USP7: variants seen among roughly 807,000 people sequenced by gnomAD.
USP7 encodes the protein ubiquitin specific peptidase 7.
Under a neutral mutation model 162.9 loss-of-function variants are expected in USP7, and 9 were observed. The ratio of observed to expected loss-of-function variants is 0.06; its 90% CI spans 0.03 to 0.10. The LOEUF (loss-of-function observed/expected upper bound fraction) is 0.10, where lower values mean the gene tolerates loss of function less well. USP7 is among the 10% of genes least tolerant of loss of function. The probability of loss-of-function intolerance (pLI) is 1.00; values close to 1 mark genes in which losing one functional copy is unlikely to be tolerated. For synonymous variants in USP7, 562 were observed against 475.9 expected (o/e 1.18, Z -2.35); for missense variants, 715 against 1,373.7 (o/e 0.52, Z 7.58).
At chr16:8,957,197 G>C (rs1281796141) in intron 1 of USP7, among the ~76,000 whole-genome samples, 1 of 152,246 alleles carries the variant, frequency 6.6e-6, no homozygotes, top group East Asian at 1.9e-4. Flanking sequence ...GCTGAGGCAT[G>C]TGTTAACTTA....
At position 8,910,930 on chromosome 16, in the gene USP7, A is replaced by G. The variant is rs531410412; in HGVS notation, c.1079-103T>C. ...ATCAGCATATTTAGGATTAGCAGAG[A>G]AGGTAAACAACACTAACAGTAACTC... On this transcript the variant is annotated intron_variant, in intron 10 of 30. Transcript: ENST00000344836. The G allele has an allele frequency of 8.1e-4, 781 of 961,652 alleles. 1 individual carries two copies. Among genetic ancestry groups the G allele is most frequent in the Middle Eastern group, 1.9e-3 (9 of 4,808 alleles). 59.6% of individuals were successfully genotyped at this position (961,652 alleles called of 1,614,324 possible). A position where few individuals can be genotyped will look rare whatever the true frequency, so the allele number is the denominator to read the frequency against.
intron 1 of USP7, among the ~76,000 whole-genome samples, chr16:8,959,348 C>T (rs917680882): frequency 3.4e-5 from 4 of 116,634 alleles, no homozygotes; most frequent in African/African-American, 1.1e-4. Flanking sequence ...TTTTCCAAAA[C>T]ACTAATTCAA....
intron 1 of USP7, among the ~76,000 whole-genome samples, chr16:8,956,776 CA>C (rs375578803): frequency 5.3e-4 from 78 of 147,726 alleles, no homozygotes; most frequent in African/African-American, 1.7e-3. Context: ...AAAACAAAAA[CA>C]AAAAAAAAAA....
intron 1 of USP7, among the ~76,000 whole-genome samples, chr16:8,939,225 G>C (rs1189329248): frequency 1.3e-5 from 2 of 152,160 alleles, no homozygotes; most frequent in Non-Finnish European, 2.9e-5. Context: ...AACACCACAA[G>C]GATCCCTCCA....
intron 1 of USP7, among the ~76,000 whole-genome samples, chr16:8,938,263 T>G (rs1190886331): frequency 6.6e-6 from 1 of 151,940 alleles, no homozygotes; most frequent in African/African-American, 2.4e-5. Flanking sequence ...TATACTATAC[T>G]GACTTGATTA....
rs1400844880 is a variant in USP7 at position 8,915,227 on chromosome 16, A to C, written c.1078+27T>G. 4 of 1,536,400 alleles carry C rather than the reference A, an allele frequency of 2.6e-6. No individual in the cohort carries two copies. The East Asian group carries it at 9.0e-5, about 35-fold the overall frequency. ...ACACAGTAGAAATCATCAAAAGATC[A>C]TGCCATTAGATACACACAACACTTA... On this transcript the variant is annotated intron_variant, in intron 10 of 30. Coordinates refer to ENST00000344836, the MANE Select transcript of USP7 (RefSeq NM_003470.3).
intron 6 of USP7, 50 bp downstream of exon 6, chr16:8,918,981 A>T: frequency 6.3e-7 from 1 of 1,590,268 alleles, no homozygotes; most frequent in Non-Finnish European, 8.6e-7. Flanking sequence ...GATATACCTG[A>T]GAAGAAAGGG....
At chr16:8,931,932 C>A (rs188924626) in intron 1 of USP7, among the ~76,000 whole-genome samples, 1 of 152,348 alleles carries the variant, frequency 6.6e-6, no homozygotes, top group Non-Finnish European at 1.5e-5. Flanking sequence ...AGAATCTCAA[C>A]TGCATACAGG....
chr16:8,906,618 A>G (rs780918666), intron 12 of USP7, 36 bp from the exon 13 acceptor site: 3 of 1,588,906 alleles, frequency 1.9e-6, no homozygotes, highest in African/African-American at 1.3e-5. Context: ...TTCAGTATTA[A>G]TTTACACAAA....
In USP7 at chr16:8,906,526, T is replaced by G; in HGVS notation, c.1328A>C (p.Lys443Thr). ...LDEFLQKTDP[K>T]DPANYILHAV... is the part of the protein sequence containing the mutation. ...ATGAAGAATATAATTTGCAGGGTCC[T>G]TAGGATCTGTTTTTTGCAAAAATTC... Residue 443 changes from lysine (K) to threonine (T), a missense_variant, in exon 13 of 31, where the codon AAG becomes ACG. By Grantham distance (78) the Lys-to-Thr change is moderately conservative. Transcript: ENST00000344836. 7 of 1,613,738 alleles carry G rather than the reference T, an allele frequency of 4.3e-6. No individual in the cohort carries two copies. The highest frequency in any genetic ancestry group is 5.9e-6 in the Non-Finnish European group (7 of 1,180,030).
At chr16:8,923,160 T>C (rs1897796192) in intron 3 of USP7, 55 bp downstream of exon 3, 4 of 41,592 alleles carry the variant, frequency 9.6e-5, no homozygotes, top group Admixed American at 5.6e-4. Flanking sequence ...TAACTTAAGA[T>C]AAAATTGCAC....
intron 1 of USP7, among the ~76,000 whole-genome samples, chr16:8,948,436 C>A (rs906908304): frequency 2.0e-4 from 30 of 152,306 alleles, no homozygotes; most frequent in African/African-American, 6.5e-4. Context: ...CCACCGGCCT[C>A]GGCCTCCCAA....
At chr16:8,900,093 A>T (rs911722618) in intron 21 of USP7, 1 of 408,568 alleles carries the variant, frequency 2.4e-6, no homozygotes, top group Non-Finnish European at 4.4e-6. Flanking sequence ...GGTGGAGCCC[A>T]GTCTCTGACC....
At chr16:8,904,708 TG>T in intron 14 of USP7, 143 bp from the exon 15 acceptor site, 2 of 1,252,792 alleles carry the variant, frequency 1.6e-6, no homozygotes, top group Non-Finnish European at 2.1e-6. Flanking sequence ...TTTGGGAGGC[TG>T]AGGCGGGCCG....
chr16:8,915,061 TGTGGGAGTGCTGGCC>T (rs2062007982), intron 10 of USP7, among the ~76,000 whole-genome samples, 178 bp downstream of exon 10: 1 of 152,190 alleles, frequency 6.6e-6, no homozygotes, highest in Non-Finnish European at 1.5e-5. Flanking sequence ...TGGGAAGGGC[TGTGGGAGTGCTGGCC>T]AACACCAGAG....
chr16:8,953,205 G>T lies in USP7; in HGVS notation c.79+10002C>A, dbSNP rs190113093. On this transcript the variant is annotated intron_variant, in intron 1 of 30. Transcript: ENST00000344836. ...CTCACCTGAGGCTCCCCCTCCCCGC[G>T]GTAAGCCAGTCCTGTCTCTCCTATG... is the stretch of plus-strand genomic sequence containing the variant. Among the ~76,000 whole-genome samples, 4 of 152,082 alleles carry T rather than the reference G, an allele frequency of 2.6e-5. No individual in the cohort carries two copies. In the South Asian group the frequency reaches 6.2e-4, roughly 24 times the overall value.
intron 5 of USP7, among the ~76,000 whole-genome samples, chr16:8,919,484 C>T (rs540308845): frequency 1.1e-4 from 17 of 152,160 alleles, no homozygotes; most frequent in African/African-American, 3.6e-4. Context: ...ACTTATCACA[C>T]GCAAGGTCAG....
chr16:8,959,960 A>G (rs1899947307), intron 1 of USP7, among the ~76,000 whole-genome samples: 1 of 152,202 alleles, frequency 6.6e-6, no homozygotes, highest in Non-Finnish European at 1.5e-5. Context: ...GAGACTGCTC[A>G]CTTGGGCAGA....
At chr16:8,910,690 T>C (rs368076615) in intron 11 of USP7, 55 bp downstream of exon 11, 129 of 1,506,042 alleles carry the variant, frequency 8.6e-5, no homozygotes, top group South Asian at 6.4e-4. Flanking sequence ...ATTAAAAGAA[T>C]TGAAAATAAA....
Sources: allele counts gnomAD v4.1 joint callset (sites outside exome capture counted in the v4.1 genomes callset), GRCh38; gene constraint gnomAD v4.1.1; transcripts MANE v1.5; gene names NCBI Gene and HGNC (gene_info 2026-07-23, HGNC 2026-07-21).